Variants in SPSB4 observed in about 807,000 individuals in gnomAD.
SPSB4 encodes SPRY domain-containing SOCS box protein 4.
A neutral mutation model predicts 20.9 loss-of-function variants in SPSB4; 21 were observed. The observed-to-expected ratio is 1.01, with a 90% CI of 0.71 to 1.45. The LOEUF is 1.45. Ranked by LOEUF, SPSB4 falls within the 40% of genes most tolerant of loss-of-function variation. The pLI is 0.00. For missense variants in SPSB4, 399 were observed against 399.2 expected, an observed-to-expected ratio of 1.00 and a Z score of 0.00; for synonymous variants, 207 against 183.8, an observed-to-expected ratio of 1.13 and a Z score of -1.02.
chr3:141,083,483 G>A (rs565816745), intron 2 of SPSB4, among the ~76,000 whole-genome samples: 5 of 152,242 alleles, frequency 3.3e-5, no homozygotes, highest in African/African-American at 1.2e-4. Context: ...CAGGGCCAGG[G>A]AGGTGACCCT....
intron 2 of SPSB4, chr3:141,117,244 G>A (rs771868197): frequency 1.3e-5 from 2 of 152,288 alleles, no homozygotes; most frequent in African/African-American, 2.4e-5. Context: ...CACTCCCCAC[G>A]AGGCAGGTGA....
At chr3:141,077,819 C>T (rs1938146067) in intron 2 of SPSB4, among the ~76,000 whole-genome samples, 1 of 152,182 alleles carries the variant, frequency 6.6e-6, no homozygotes, top group Non-Finnish European at 1.5e-5. Flanking sequence ...CCTTTGGAAG[C>T]CCAGAACTCA....
chr3:141,087,132 G>A (rs755568658), intron 2 of SPSB4, among the ~76,000 whole-genome samples: 4 of 152,196 alleles, frequency 2.6e-5, no homozygotes, highest in Admixed American at 6.5e-5. Context: ...GCAGGACCCC[G>A]ACCCTTATTC....
intron 2 of SPSB4, among the ~76,000 whole-genome samples, chr3:141,067,388 A>G (rs1305767952): frequency 2.0e-5 from 3 of 152,326 alleles, no homozygotes; most frequent in Non-Finnish European, 2.9e-5. Context: ...GCCGACTGTC[A>G]TCTCACGGGA....
chr3:141,068,739 A>G (rs988635800), intron 2 of SPSB4, among the ~76,000 whole-genome samples: 42 of 152,248 alleles, frequency 2.8e-4, no homozygotes, highest in African/African-American at 8.2e-4. Context: ...TACCAGAGCC[A>G]AGAGTTACAC....
chr3:141,108,587 C>G (rs1019372557), intron 2 of SPSB4, among the ~76,000 whole-genome samples: 2 of 152,196 alleles, frequency 1.3e-5, no homozygotes, highest in Non-Finnish European at 2.9e-5. Flanking sequence ...TGTGCTAGGT[C>G]CTGGGGTACT....
intron 2 of SPSB4, among the ~76,000 whole-genome samples, chr3:141,093,684 C>G (rs565879321): frequency 6.6e-6 from 1 of 152,180 alleles, no homozygotes; most frequent in Non-Finnish European, 1.5e-5. Flanking sequence ...CTGTGCTTCT[C>G]TCCCATCATC....
At chr3:141,096,073 G>A (rs148512600) in intron 2 of SPSB4, among the ~76,000 whole-genome samples, 88 of 152,286 alleles carry the variant, frequency 5.8e-4, no homozygotes, top group Non-Finnish European at 6.6e-4. Flanking sequence ...GAAGGGACCA[G>A]TTGGGTGAGT....
intron 2 of SPSB4, among the ~76,000 whole-genome samples, chr3:141,068,633 A>G (rs1449520789): frequency 6.6e-6 from 1 of 152,218 alleles, no homozygotes; most frequent in Non-Finnish European, 1.5e-5. Flanking sequence ...ATGGGATAGT[A>G]TCAGGTCCCC....
At chr3:141,063,448 T>C (rs1937803954) in intron 1 of SPSB4, among the ~76,000 whole-genome samples, 1 of 152,258 alleles carries the variant, frequency 6.6e-6, no homozygotes, top group Admixed American at 6.5e-5. Context: ...TTTCAGTATA[T>C]GATCTGTTTT....
At position 141,066,178 on chromosome 3, in the gene SPSB4, A is replaced by T. The variant is rs765293662; in HGVS notation, c.74A>T (p.Glu25Val). 6.5e-6 allele frequency: 10 copies of T among 1,533,068 alleles called. No homozygotes were observed. The highest frequency in any genetic ancestry group is 7.0e-6 in the Non-Finnish European group (8 of 1,141,816). The allele number at this position is 1,533,068 out of a possible 1,614,324, so 95.0% of individuals were successfully genotyped here. A position where few individuals can be genotyped will look rare whatever the true frequency, so the allele number is the denominator to read the frequency against. Residue 25 changes from glutamate to valine, a missense_variant, in exon 2 of 3, where the codon GAG becomes GTG. Coordinates refer to ENST00000310546, the MANE Select transcript of SPSB4 (RefSeq NM_080862.3). ...REPALRPAKR[E>V]LRGAEPGRPA... The stretch of plus-strand genomic sequence containing the variant: ...CCGGCGCTGCGGCCGGCCAAGCGGG[A>T]GCTGCGGGGTGCAGAGCCCGGGCGG...
At chr3:141,075,480 A>G (rs1271144905) in intron 2 of SPSB4, among the ~76,000 whole-genome samples, 1 of 152,154 alleles carries the variant, frequency 6.6e-6, no homozygotes, top group African/African-American at 2.4e-5. Flanking sequence ...CCTCACCTGT[A>G]AAGTGGGCAT....
At chr3:141,117,939 T>C (rs1938904041) in intron 2 of SPSB4, among the ~76,000 whole-genome samples, 1 of 152,254 alleles carries the variant, frequency 6.6e-6, no homozygotes. Context: ...GTCTTTGCTA[T>C]TGTGGATAGT....
chr3:141,061,204 ATT>A (rs891400539), intron 1 of SPSB4, among the ~76,000 whole-genome samples: 1 of 152,150 alleles, frequency 6.6e-6, no homozygotes, highest in East Asian at 1.9e-4. Flanking sequence ...AAATTACATA[ATT>A]TTTAGGTGAA....
chr3:141,083,683 G>T, intron 2 of SPSB4, among the ~76,000 whole-genome samples: 1 of 152,086 alleles, frequency 6.6e-6, no homozygotes. Context: ...CCTTTCTGGA[G>T]GCTCCGAGCA....
Position 141,093,442 on chromosome 3 carries a change from C to A in SPSB4, c.694+26644C>A, listed in dbSNP as rs1170961816. Among the ~76,000 whole-genome samples, 5 of 151,996 alleles carry A rather than the reference C, an allele frequency of 3.3e-5. No homozygotes were observed. The East Asian group carries it at 9.6e-4, about 29-fold the overall frequency. ...GTCACCCAACTAATAAGTGACAGAG[C>A]CAGGATCCAAACCTGGGTCTGTCTC... is the stretch of plus-strand genomic sequence containing the variant. On this transcript the variant is annotated intron_variant, in intron 2 of 2. Transcript: ENST00000310546.
intron 2 of SPSB4, among the ~76,000 whole-genome samples, chr3:141,124,431 G>A (rs143399214): frequency 1.2e-3 from 176 of 152,282 alleles, no homozygotes; most frequent in African/African-American, 3.9e-3. Context: ...AAACTCTCAG[G>A]TTTAGTCACC....
intron 2 of SPSB4, among the ~76,000 whole-genome samples, chr3:141,138,182 C>T (rs1053746743): frequency 7.2e-5 from 11 of 152,080 alleles, no homozygotes; most frequent in Admixed American, 2.6e-4. Context: ...GTGGTGATAT[C>T]CCCTTTGTCA....
intron 2 of SPSB4, among the ~76,000 whole-genome samples, chr3:141,120,069 T>G (rs1233466349): frequency 1.3e-5 from 2 of 152,238 alleles, no homozygotes; most frequent in African/African-American, 4.8e-5. Context: ...TAAATTTTCC[T>G]CTACACACTG....
Sources: gnomAD v4.1 joint callset for allele counts (sites outside exome capture counted in the v4.1 genomes callset) on GRCh38, gnomAD v4.1.1 for gene constraint, MANE v1.5 for transcripts, NCBI Gene and HGNC (gene_info 2026-07-23, HGNC 2026-07-21) for gene names.